Variants in B3GALT5 observed in about 807,000 individuals in gnomAD.
The protein encoded by B3GALT5 is beta-1,3-galactosyltransferase 5.
For synonymous variants in B3GALT5, 156 were observed against 158.6 expected, an observed-to-expected ratio of 0.98 and a Z score of 0.12; for missense variants, 328 against 396.6, an observed-to-expected ratio of 0.83 and a Z score of 1.47.
At chr21:39,619,952 C>T (rs373950206) in intron 1 of B3GALT5, among the ~76,000 whole-genome samples, 17 of 152,230 alleles carry the variant, frequency 1.1e-4, no homozygotes, top group South Asian at 4.1e-4. Flanking sequence ...GGATTACAGG[C>T]GTGTGCCACC....
rs1334467455 is a variant in B3GALT5, at chr21:39,670,156, C to A, written c.*8664C>A. The A allele has an allele frequency of 6.6e-6, 1 of 152,330 alleles. No individual in the cohort carries two copies. The highest frequency in any genetic ancestry group is 1.5e-5 in the Non-Finnish European group (1 of 68,184). The allele number at this position is 152,330 out of a possible 1,614,324, so 9.4% of individuals were successfully genotyped here. A position where few individuals can be genotyped will look rare whatever the true frequency, so the allele number is the denominator to read the frequency against. ...AAACTCTTCAGTCCAGCCCACTTTC[C>A]CTGTCTCCCTATCTAATGCCCTTGC... On this transcript the variant is annotated 3_prime_UTR_variant, in exon 4 of 4. Coordinates refer to ENST00000684187, the MANE Select transcript of B3GALT5 (RefSeq NM_001356336.2).
chr21:39,639,098 G>A (rs2079252178), intron 1 of B3GALT5, among the ~76,000 whole-genome samples: 1 of 152,180 alleles, frequency 6.6e-6, no homozygotes, highest in Non-Finnish European at 1.5e-5. Context: ...GAAGGTCCAC[G>A]TTAATTTCTG....
intron 1 of B3GALT5, among the ~76,000 whole-genome samples, chr21:39,639,345 T>TTTTTC (rs1569212156): frequency 5.8e-4 from 70 of 120,652 alleles, no homozygotes; most frequent in Non-Finnish European, 8.1e-4. Context: ...TTTCTTTCTT[T>TTTTTC]CTTTCCTTCC....
intron 3 of B3GALT5, 22 bp from the exon 4 acceptor site, chr21:39,660,538 C>A: frequency 7.1e-7 from 1 of 1,409,828 alleles, no homozygotes; most frequent in Non-Finnish European, 9.3e-7. Flanking sequence ...GAGGTCTAAT[C>A]ATTGGATTTT....
intron 1 of B3GALT5, among the ~76,000 whole-genome samples, chr21:39,639,408 CTTTCTTTCTTTCTT>C (rs2079266740): frequency 9.7e-5 from 8 of 82,168 alleles, no homozygotes; most frequent in East Asian, 3.9e-4. Context: ...CTTTTTCTTT[CTTTCTTTCTTTCTT>C]TCTTTCTTTC....
At chr21:39,656,465 A>G (rs143265027) in intron 2 of B3GALT5, among the ~76,000 whole-genome samples, 2 of 152,288 alleles carry the variant, frequency 1.3e-5, no homozygotes, top group East Asian at 3.9e-4. Flanking sequence ...CACGGGGCTC[A>G]GAATGCTCAC....
chr21:39,621,586 T>C (rs1303667148), intron 1 of B3GALT5, among the ~76,000 whole-genome samples: 1 of 152,100 alleles, frequency 6.6e-6, no homozygotes, highest in Non-Finnish European at 1.5e-5. Flanking sequence ...GATTCATTGT[T>C]TATTTAGGTT....
At chr21:39,613,806 G>A (rs965591874) in intron 1 of B3GALT5, among the ~76,000 whole-genome samples, 1 of 152,174 alleles carries the variant, frequency 6.6e-6, no homozygotes, top group African/African-American at 2.4e-5. Context: ...GATAAATACA[G>A]CTTCCAAATA....
rs148277804 is a variant in B3GALT5 at position 39,662,287 on chromosome 21, C to T, written c.*795C>T. 5.6e-3 allele frequency: 934 copies of T among 167,288 alleles called. 5 individuals are homozygous for T. The highest frequency in any genetic ancestry group is 0.013 in the Admixed American group (199 of 15,310). The allele number at this position is 167,288 out of a possible 1,614,324, so 10.4% of individuals were successfully genotyped here. ...CTGCCCACACTGCTGACCTGCCTAGCGAGCAGGACATCCCTTCTGAGCCAT... is the reference window on the plus strand; with the variant it reads ...CTGCCCACACTGCTGACCTGCCTAGTGAGCAGGACATCCCTTCTGAGCCAT... On this transcript the variant is annotated 3_prime_UTR_variant, in exon 4 of 4. Coordinates refer to ENST00000684187, the MANE Select transcript of B3GALT5 (RefSeq NM_001356336.2).
chr21:39,617,480 G>A (rs1248048184), intron 1 of B3GALT5, among the ~76,000 whole-genome samples: 3 of 152,206 alleles, frequency 2.0e-5, no homozygotes, highest in South Asian at 4.1e-4. Context: ...GAGAGAACAT[G>A]TGAGCGTGTG....
At chr21:39,657,990 TG>T in intron 2 of B3GALT5, 2 of 1,125,272 alleles carry the variant, frequency 1.8e-6, no homozygotes, top group East Asian at 3.2e-5. Context: ...GCAGCTGGCC[TG>T]GGGTGGCTAG....
chr21:39,637,496 C>A (rs977404537), intron 1 of B3GALT5, among the ~76,000 whole-genome samples: 3 of 152,248 alleles, frequency 2.0e-5, no homozygotes, highest in Non-Finnish European at 4.4e-5. Flanking sequence ...ACTGAAAAAT[C>A]TTTGCTGCTT....
At position 39,669,574 on chromosome 21, in the gene B3GALT5, A is replaced by C. The variant is rs530718183; in HGVS notation, c.*8082A>C. On this transcript the variant is annotated 3_prime_UTR_variant, in exon 4 of 4. Coordinates refer to ENST00000684187, the MANE Select transcript of B3GALT5 (RefSeq NM_001356336.2). ...CACCTGATCCCTTGACAGCTGAATA[A>C]AGAAGCGTTCCAGTGCCTTCTCTGT... 1 of 152,276 alleles carries C rather than the reference A, an allele frequency of 6.6e-6. No homozygotes were observed. Among genetic ancestry groups the C allele is most frequent in the South Asian group, 2.1e-4 (1 of 4,812 alleles). The allele number at this position is 152,276 out of a possible 1,614,324, so 9.4% of individuals were successfully genotyped here.
At chr21:39,655,432 G>T (rs2146212438) in intron 2 of B3GALT5, among the ~76,000 whole-genome samples, 1 of 152,352 alleles carries the variant, frequency 6.6e-6, no homozygotes, top group South Asian at 2.1e-4. Flanking sequence ...GCAGGGAGCT[G>T]GGTGCCGGGA....
At position 39,660,938 on chromosome 21, in the gene B3GALT5, G is replaced by A. The variant is rs141182818; in HGVS notation, c.379G>A (p.Val127Ile). 7 of 1,607,168 alleles carry A rather than the reference G, an allele frequency of 4.4e-6. No homozygotes were observed. The highest frequency in any genetic ancestry group is 4.0e-5 in the African/African-American group (3 of 74,766). The stretch of plus-strand genomic sequence containing the variant: ...CATTATCCAGAAGGATTTCCTAGAC[G>A]TCTATTACAATCTGACCCTGAAGAC... Reference protein sequence around the residue: ...GDIIQKDFLDVYYNLTLKTMM... With the variant: ...GDIIQKDFLDIYYNLTLKTMM... The change falls in exon 4 of 4, where the codon GTC becomes ATC. Residue 127 changes from valine to isoleucine, a missense_variant. Coordinates refer to ENST00000684187, the MANE Select transcript of B3GALT5 (RefSeq NM_001356336.2).
At chr21:39,635,653 T>C (rs966745479) in intron 1 of B3GALT5, among the ~76,000 whole-genome samples, 6 of 152,078 alleles carry the variant, frequency 3.9e-5, no homozygotes, top group African/African-American at 9.7e-5. Context: ...TAATTTTGTA[T>C]TTTTTTAGTA....
chr21:39,655,667 G>A (rs2079435962), intron 2 of B3GALT5, among the ~76,000 whole-genome samples: 1 of 152,160 alleles, frequency 6.6e-6, no homozygotes, highest in Non-Finnish European at 1.5e-5. Context: ...AACAGCAGAG[G>A]TGAGTCGTCC....
chr21:39,636,105 C>T (rs558390927), intron 1 of B3GALT5, among the ~76,000 whole-genome samples: 11 of 152,174 alleles, frequency 7.2e-5, no homozygotes, highest in Non-Finnish European at 1.5e-4. Context: ...TGTTTACTAT[C>T]GGGCAATTTG....
intron 1 of B3GALT5, among the ~76,000 whole-genome samples, chr21:39,641,673 C>G (rs1480410543): frequency 2.0e-5 from 3 of 152,254 alleles, no homozygotes; most frequent in South Asian, 4.1e-4. Context: ...GGTTCTTGTT[C>G]TAGTCTTTTC....
Sources: allele counts gnomAD v4.1 joint callset (sites outside exome capture counted in the v4.1 genomes callset), GRCh38; gene constraint gnomAD v4.1.1; transcripts MANE v1.5; gene names NCBI Gene and HGNC (gene_info 2026-07-23, HGNC 2026-07-21).